Variants in HOMER1 observed in about 807,000 individuals in gnomAD.
The protein encoded by HOMER1 is homer protein homolog 1.
HOMER1 carries 3 observed loss-of-function variants against 48.9 expected under a neutral mutation model. That is an observed-to-expected ratio of 0.06 (90% confidence interval 0.03 to 0.16). HOMER1 has a LOEUF of 0.16. Ranked by LOEUF, HOMER1 falls within the 10% of genes least tolerant of loss-of-function variation. The pLI, the probability that HOMER1 is intolerant of heterozygous loss-of-function variation, is 1.00. For synonymous variants in HOMER1, 134 were observed against 146.4 expected, an observed-to-expected ratio of 0.92 and a Z score of 0.61; for missense variants, 247 against 411.4, an observed-to-expected ratio of 0.60 and a Z score of 3.46.
At chr5:79,505,683 G>A (rs1752747299) in intron 1 of HOMER1, among the ~76,000 whole-genome samples, 1 of 152,064 alleles carries the variant, frequency 6.6e-6, no homozygotes. Flanking sequence ...AGAGATAAAG[G>A]TGATTTTTTA....
At chr5:79,413,052 G>A (rs1013790120) in intron 5 of HOMER1, among the ~76,000 whole-genome samples, 4 of 152,176 alleles carry the variant, frequency 2.6e-5, no homozygotes, top group Non-Finnish European at 5.9e-5. Flanking sequence ...AGAAAGGAAA[G>A]GGTCAGTGAA....
intron 8 of HOMER1, among the ~76,000 whole-genome samples, chr5:79,381,294 G>A (rs1185082648): frequency 6.6e-6 from 1 of 152,148 alleles, no homozygotes; most frequent in Non-Finnish European, 1.5e-5. Flanking sequence ...GAACACACTC[G>A]GAATCAAAGC....
At chr5:79,507,268 T>C (rs916569820) in intron 1 of HOMER1, among the ~76,000 whole-genome samples, 1 of 151,128 alleles carries the variant, frequency 6.6e-6, no homozygotes, top group Admixed American at 6.6e-5. Context: ...TTACCTACTC[T>C]TGCAATACTC....
intron 5 of HOMER1, among the ~76,000 whole-genome samples, chr5:79,402,829 G>C (rs1749567703): frequency 6.6e-6 from 1 of 152,034 alleles, no homozygotes; most frequent in Non-Finnish European, 1.5e-5. Context: ...TATTTCTTTT[G>C]AAATTGTTTT....
intron 3 of HOMER1, among the ~76,000 whole-genome samples, chr5:79,447,383 G>T (rs1238903189): frequency 1.3e-5 from 2 of 152,138 alleles, no homozygotes; most frequent in Non-Finnish European, 2.9e-5. Flanking sequence ...ATATAGCTAA[G>T]TCAGACTTCA....
chr5:79,477,019 A>G (rs1219041949), intron 1 of HOMER1, among the ~76,000 whole-genome samples: 3 of 152,108 alleles, frequency 2.0e-5, no homozygotes, highest in Non-Finnish European at 4.4e-5. Flanking sequence ...TGCCTTGAGT[A>G]AGTAAAAGAA....
chr5:79,425,249 G>C (rs1208092441), intron 5 of HOMER1, among the ~76,000 whole-genome samples: 5 of 149,846 alleles, frequency 3.3e-5, no homozygotes, highest in Non-Finnish European at 5.9e-5. Context: ...CTCCGGAGTA[G>C]GAAAAAAAAA....
At chr5:79,490,516 T>C (rs1479194451) in intron 1 of HOMER1, among the ~76,000 whole-genome samples, 1 of 152,182 alleles carries the variant, frequency 6.6e-6, no homozygotes, top group Non-Finnish European at 1.5e-5. Context: ...AATTAATGAT[T>C]ACTCATCATA....
chr5:79,417,096 A>G (rs771428553), intron 5 of HOMER1, among the ~76,000 whole-genome samples: 6 of 152,106 alleles, frequency 3.9e-5, no homozygotes, highest in Non-Finnish European at 8.8e-5. Context: ...TAGATTCACA[A>G]AAGTCAGTAT....
intron 1 of HOMER1, among the ~76,000 whole-genome samples, chr5:79,482,028 G>GGTGAAATTCACAA (rs770522188): frequency 5.7e-4 from 87 of 152,226 alleles, no homozygotes; most frequent in Non-Finnish European, 9.4e-4. Context: ...AGACAAGCCT[G>GGTGAAATTCACAA]GGCAACATGG....
intron 2 of HOMER1, among the ~76,000 whole-genome samples, chr5:79,456,145 C>CAAA (rs66567622): frequency 4.1e-4 from 46 of 112,490 alleles, no homozygotes; most frequent in Admixed American, 4.4e-4. Context: ...GACTCCGTCT[C>CAAA]AAAAAAAAAA....
At position 79,375,829 on chromosome 5, in the gene HOMER1, G is replaced by C. The variant is rs1748755200; in HGVS notation, c.*180C>G. The C allele has an allele frequency of 1.5e-5, 6 of 407,756 alleles. No homozygotes were observed. The Admixed American group carries it at 2.2e-4, about 15-fold the overall frequency. The allele number at this position is 407,756 out of a possible 1,614,324, so 25.3% of individuals were successfully genotyped here. A position where few individuals can be genotyped will look rare whatever the true frequency, so the allele number is the denominator to read the frequency against. Reference sequence around the variant, plus strand: ...ATCTTTTTTCCCCAACTAGCTACAAGCTGGATTCTAAAATTTACAGTGAAA... The same window carrying C: ...ATCTTTTTTCCCCAACTAGCTACAACCTGGATTCTAAAATTTACAGTGAAA... On this transcript the variant is annotated 3_prime_UTR_variant, in exon 9 of 9. Transcript: ENST00000334082.
chr5:79,425,231 C>T (rs1303547971), intron 5 of HOMER1, among the ~76,000 whole-genome samples: 1 of 151,620 alleles, frequency 6.6e-6, no homozygotes, highest in African/African-American at 2.4e-5. Context: ...CCAAGGGAAA[C>T]TGGCTGTCTC....
At chr5:79,457,067 TCACTAGA>T in intron 1 of HOMER1, 49 bp from the exon 2 acceptor site, 1 of 1,560,870 alleles carries the variant, frequency 6.4e-7, no homozygotes. Flanking sequence ...CAGTTTTATT[TCACTAGA>T]CAAGAGAACA....
intron 3 of HOMER1, 145 bp downstream of exon 3, chr5:79,450,841 TCTTA>T (rs1469226183): frequency 3.0e-6 from 2 of 666,268 alleles, no homozygotes; most frequent in Non-Finnish European, 4.8e-6. Context: ...TCTAATGATC[TCTTA>T]CTTCTTGCTC....
At chr5:79,416,759 G>T (rs1749954191) in intron 5 of HOMER1, among the ~76,000 whole-genome samples, 1 of 152,166 alleles carries the variant, frequency 6.6e-6, no homozygotes, top group African/African-American at 2.4e-5. Context: ...CTTCCACTTT[G>T]TATCCTCGCT....
Position 79,425,061 on chromosome 5 carries a change from T to G in HOMER1, c.527+13949A>C, listed in dbSNP as rs375343539. On this transcript the variant is annotated intron_variant, in intron 5 of 8. Coordinates refer to ENST00000334082, the MANE Select transcript of HOMER1 (RefSeq NM_004272.5). Reference sequence around the variant, plus strand: ...CTCTTCCATGTTAAAGCTGTGATGATTGGGTCTTTTTAAATTTTCATGTTT... The same window carrying G: ...CTCTTCCATGTTAAAGCTGTGATGAGTGGGTCTTTTTAAATTTTCATGTTT... 5.3e-5 allele frequency among the ~76,000 whole-genome samples: 8 copies of G among 152,004 alleles called. No homozygotes were observed. The East Asian group carries it at 1.2e-3, about 22-fold the overall frequency.
At chr5:79,465,839 G>A (rs113068836) in intron 1 of HOMER1, among the ~76,000 whole-genome samples, 3,766 of 151,706 alleles carry the variant, frequency 0.025, 150 homozygotes, top group African/African-American at 0.086. Context: ...GTGATCCGCC[G>A]GCCTCAGCCT....
intron 1 of HOMER1, among the ~76,000 whole-genome samples, chr5:79,460,668 C>T (rs577335351): frequency 6.6e-6 from 1 of 152,054 alleles, no homozygotes; most frequent in South Asian, 2.1e-4. Context: ...GTTTGTTCCT[C>T]GGGACATTTC....
Sources: gnomAD v4.1 joint callset for allele counts (sites outside exome capture counted in the v4.1 genomes callset) on GRCh38, gnomAD v4.1.1 for gene constraint, MANE v1.5 for transcripts, NCBI Gene and HGNC (gene_info 2026-07-23, HGNC 2026-07-21) for gene names.